TBC1D5: variants seen among roughly 807,000 people sequenced by gnomAD.
TBC1D5 encodes TBC1 domain family member 5, also known as TBC1 domain family, member 5.
A neutral mutation model predicts 100.3 loss-of-function variants in TBC1D5; 75 were observed. The observed-to-expected ratio is 0.75, with a 90% CI of 0.62 to 0.91. The LOEUF (loss-of-function observed/expected upper bound fraction) is 0.91. Among genes scored for constraint, TBC1D5 ranks in the 40% least tolerant of loss-of-function variants. TBC1D5 has a pLI of 0.00. For missense variants in TBC1D5, 910 were observed against 942.4 expected (o/e 0.97, Z 0.45); for synonymous variants, 323 against 325.6 (o/e 0.99, Z 0.09).
intron 3 of TBC1D5, among the ~76,000 whole-genome samples, chr3:17,455,478 ATGTATATATATG>A (rs1251779138): frequency 6.9e-5 from 10 of 144,072 alleles, no homozygotes; most frequent in South Asian, 2.2e-4. Context: ...GTGTATATAT[ATGTATATATATG>A]TGTATATATA....
At position 17,214,376 on chromosome 3, in the gene TBC1D5, A is replaced by G. The variant is rs2073369075; in HGVS notation, c.1589-6T>C. On this transcript the variant is annotated splice_polypyrimidine_tract_variant and splice_region_variant and intron_variant, in intron 17 of 21. Coordinates refer to ENST00000253692, the Ensembl canonical transcript of TBC1D5. ...GATGTTTTTAGAACTTAGCCCTGTAAGAAAAATTAAGTAGCAATAATGAAA... is the reference window on the plus strand; with the variant it reads ...GATGTTTTTAGAACTTAGCCCTGTAGGAAAAATTAAGTAGCAATAATGAAA... 1.2e-6 allele frequency: 2 copies of G among 1,608,476 alleles called. No homozygotes were observed. The highest frequency in any genetic ancestry group is 1.1e-5 in the South Asian group (1 of 89,448).
intron 2 of TBC1D5, among the ~76,000 whole-genome samples, chr3:17,584,719 C>T (rs755851396): frequency 1.1e-4 from 16 of 152,194 alleles, no homozygotes; most frequent in African/African-American, 2.9e-4. Context: ...TGCAGTGGCA[C>T]GATCTCGGCT....
intron 3 of TBC1D5, among the ~76,000 whole-genome samples, chr3:17,471,008 C>G (rs964402717): frequency 6.6e-5 from 10 of 152,128 alleles, no homozygotes; most frequent in South Asian, 4.1e-4. Flanking sequence ...ATGTGAATGA[C>G]GATACCATAT....
At chr3:17,569,556 AAAGTT>A (rs1305650076) in intron 2 of TBC1D5, among the ~76,000 whole-genome samples, 1 of 151,674 alleles carries the variant, frequency 6.6e-6, no homozygotes, top group Non-Finnish European at 1.5e-5. Context: ...ATAAATATAA[AAAGTT>A]AAGTAATTTT....
At chr3:17,725,715 G>C (rs762547536) in intron 1 of TBC1D5, among the ~76,000 whole-genome samples, 1 of 152,102 alleles carries the variant, frequency 6.6e-6, no homozygotes, top group Non-Finnish European at 1.5e-5. Flanking sequence ...CTGGTAATTT[G>C]TTTTTTAATT....
chr3:17,542,411 TCTGG>T (rs1427194530), intron 2 of TBC1D5, among the ~76,000 whole-genome samples: 1 of 152,216 alleles, frequency 6.6e-6, no homozygotes, highest in East Asian at 1.9e-4. Flanking sequence ...AGAGCCAGGG[TCTGG>T]CTATGTTGTC....
chr3:17,693,407 C>T (rs927959029), intron 1 of TBC1D5, among the ~76,000 whole-genome samples: 1 of 152,178 alleles, frequency 6.6e-6, no homozygotes, highest in African/African-American at 2.4e-5. Flanking sequence ...AAGGTCTTAA[C>T]AACCGGCAGA....
At chr3:17,563,789 T>C (rs1014626948) in intron 2 of TBC1D5, among the ~76,000 whole-genome samples, 8 of 152,206 alleles carry the variant, frequency 5.3e-5, no homozygotes, top group Non-Finnish European at 1.0e-4. Flanking sequence ...TTTTGTTTTT[T>C]TGGTTTTTTT....
intron 1 of TBC1D5, among the ~76,000 whole-genome samples, chr3:17,667,959 A>G (rs1405661847): frequency 6.6e-6 from 1 of 151,740 alleles, no homozygotes; most frequent in Non-Finnish European, 1.5e-5. Context: ...AAAACCATAA[A>G]CAACCACTGA....
chr3:17,636,393 A>G (rs897483878), intron 1 of TBC1D5, among the ~76,000 whole-genome samples: 25 of 152,310 alleles, frequency 1.6e-4, no homozygotes, highest in African/African-American at 4.8e-4. Flanking sequence ...TGGTCATGCA[A>G]TGAACTAGTA....
chr3:17,735,278 A>C (rs1414269783), intron 1 of TBC1D5, among the ~76,000 whole-genome samples: 2 of 152,210 alleles, frequency 1.3e-5, no homozygotes, highest in Non-Finnish European at 2.9e-5. Flanking sequence ...ATGGAGGACT[A>C]CTTATGGTAC....
intron 1 of TBC1D5, among the ~76,000 whole-genome samples, chr3:17,699,403 G>A (rs1319457954): frequency 3.6e-5 from 4 of 110,744 alleles, no homozygotes; most frequent in Admixed American, 9.9e-5. Context: ...TGGGGTGGGG[G>A]GAGGGGGGAG....
intron 15 of TBC1D5, among the ~76,000 whole-genome samples, chr3:17,278,277 T>C (rs1467958267): frequency 6.6e-6 from 1 of 152,208 alleles, no homozygotes; most frequent in Non-Finnish European, 1.5e-5. Context: ...TAGCTGAGCA[T>C]CAGAATCACC....
At chr3:17,580,485 G>A (rs2096686774) in intron 2 of TBC1D5, among the ~76,000 whole-genome samples, 2 of 152,236 alleles carry the variant, frequency 1.3e-5, no homozygotes, top group Non-Finnish European at 2.9e-5. Flanking sequence ...GATCTGTGCC[G>A]ATATGCTCCG....
intron 19 of TBC1D5, among the ~76,000 whole-genome samples, chr3:17,182,398 A>G (rs1363084439): frequency 6.6e-6 from 1 of 152,196 alleles, no homozygotes. Flanking sequence ...TTCCATTTTA[A>G]TTAAAGTGTT....
chr3:17,556,003 C>T (rs1317303798), intron 2 of TBC1D5, among the ~76,000 whole-genome samples: 1 of 152,098 alleles, frequency 6.6e-6, no homozygotes, highest in Non-Finnish European at 1.5e-5. Flanking sequence ...TCTCTAACCA[C>T]TGAAATTGCT....
intron 13 of TBC1D5, among the ~76,000 whole-genome samples, chr3:17,348,063 T>C (rs1347859243): frequency 6.6e-6 from 1 of 152,212 alleles, no homozygotes; most frequent in Non-Finnish European, 1.5e-5. Flanking sequence ...CAATATCATC[T>C]TGGACTTTAA....
chr3:17,352,161 T>C (rs547867875), intron 13 of TBC1D5, among the ~76,000 whole-genome samples: 3 of 152,258 alleles, frequency 2.0e-5, no homozygotes, highest in South Asian at 4.1e-4. Context: ...CAGAGCATTA[T>C]GCACTTTGTA....
chr3:17,537,991 A>C (rs1479409659), intron 2 of TBC1D5, among the ~76,000 whole-genome samples: 1 of 152,228 alleles, frequency 6.6e-6, no homozygotes, highest in Non-Finnish European at 1.5e-5. Flanking sequence ...GACATAACAC[A>C]TCAATCAATA....
Sources: allele counts gnomAD v4.1 joint callset (sites outside exome capture counted in the v4.1 genomes callset), GRCh38; gene constraint gnomAD v4.1.1; transcripts MANE v1.5; gene names NCBI Gene and HGNC (gene_info 2026-07-23, HGNC 2026-07-21).